Variants in ASB4 observed in about 807,000 individuals in gnomAD.
ASB4 encodes the protein ankyrin repeat and SOCS box protein 4.
A neutral mutation model predicts 38.6 loss-of-function variants in ASB4; 35 were observed. The ratio of observed to expected loss-of-function variants is 0.91; its 90% CI spans 0.69 to 1.20. The LOEUF (loss-of-function observed/expected upper bound fraction) is 1.20, where lower values mean the gene tolerates loss of function less well. Among genes scored for constraint, ASB4 ranks in the 50% most tolerant of loss-of-function variants. ASB4 has a pLI of 0.00. For synonymous variants in ASB4, 195 were observed against 201.3 expected (o/e 0.97, Z 0.26); for missense variants, 557 against 527.2 (o/e 1.06, Z -0.55).
chr7:95,522,810 A>G (rs1790682133), intron 2 of ASB4, among the ~76,000 whole-genome samples: 2 of 152,218 alleles, frequency 1.3e-5, no homozygotes, highest in African/African-American at 4.8e-5. Flanking sequence ...ATGAAATCTG[A>G]AAATTCCCTC....
chr7:95,504,294 A>G (rs993977933), intron 2 of ASB4, among the ~76,000 whole-genome samples: 2 of 152,216 alleles, frequency 1.3e-5, no homozygotes, highest in African/African-American at 2.4e-5. Flanking sequence ...TGTAAAGGGG[A>G]CCATGCCTTT....
intron 2 of ASB4, among the ~76,000 whole-genome samples, chr7:95,517,066 T>C (rs552176185): frequency 6.6e-6 from 1 of 152,360 alleles, no homozygotes; most frequent in South Asian, 2.1e-4. Flanking sequence ...GTGTTAATGA[T>C]CATTTGCATG....
upstream of ASB4, among the ~76,000 whole-genome samples, chr7:95,484,126 G>C (rs921210542): frequency 1.5e-4 from 23 of 151,808 alleles, no homozygotes; most frequent in African/African-American, 5.3e-4. Flanking sequence ...TTAGGAGTCG[G>C]AGATCAGCCG....
intron 2 of ASB4, among the ~76,000 whole-genome samples, chr7:95,512,465 G>A (rs527750979): frequency 9.2e-5 from 14 of 152,284 alleles, no homozygotes; most frequent in African/African-American, 3.1e-4. Context: ...ACTGTATTAA[G>A]CAATGATGCT....
chr7:95,471,601 A>C, the ASB4 span, among the ~76,000 whole-genome samples: 2 of 152,170 alleles, frequency 1.3e-5, no homozygotes, highest in African/African-American at 4.8e-5. Flanking sequence ...ATCTAAACTC[A>C]TTTGGAAATA....
At chr7:95,550,907 G>C in the ASB4 span, among the ~76,000 whole-genome samples, 4 of 152,046 alleles carry the variant, frequency 2.6e-5, no homozygotes, top group Non-Finnish European at 5.9e-5. Context: ...TAAATCCTTG[G>C]TGTCTTCAAC....
rs113270292 is a variant in ASB4, at chr7:95,508,250, T to C, written c.487+12193T>C. Among the ~76,000 whole-genome samples the C allele has an allele frequency of 4.4e-3, 666 of 152,220 alleles. 7 individuals carry two copies. Among genetic ancestry groups the C allele is most frequent in the African/African-American group, 0.015 (633 of 41,526 alleles). Reference sequence around the variant, plus strand: ...TTGACTTTGGAGAGGAGAACCTCTGTTCTATCGTAGCCAGAGGCAGAGAAG... The same window carrying C: ...TTGACTTTGGAGAGGAGAACCTCTGCTCTATCGTAGCCAGAGGCAGAGAAG... On this transcript the variant is annotated intron_variant, in intron 2 of 4. Transcript: ENST00000325885.
At chr7:95,479,864 G>T (rs553341210) in intron 1 of ASB4, among the ~76,000 whole-genome samples, 2 of 152,164 alleles carry the variant, frequency 1.3e-5, no homozygotes, top group Non-Finnish European at 2.9e-5. Flanking sequence ...TCTGAAAAGA[G>T]GTGCAGGCAT....
chr7:95,488,732 T>C (rs955139982), intron 1 of ASB4, among the ~76,000 whole-genome samples: 7 of 152,218 alleles, frequency 4.6e-5, no homozygotes, highest in African/African-American at 1.7e-4. Context: ...TGAAAAGCTC[T>C]CCGCAAAAGT....
chr7:95,483,318 C>T, upstream of ASB4, among the ~76,000 whole-genome samples: 1 of 152,186 alleles, frequency 6.6e-6, no homozygotes, highest in Non-Finnish European at 1.5e-5. Flanking sequence ...AAAGTCTCTT[C>T]TAGTTAATAC....
chr7:95,480,595 A>G (rs999213576), intron 1 of ASB4, among the ~76,000 whole-genome samples: 3 of 152,192 alleles, frequency 2.0e-5, no homozygotes, highest in Non-Finnish European at 2.9e-5. Context: ...CAAGCAGCCA[A>G]TGGAGAGAAC....
At chr7:95,496,282 TA>T (rs1167979992) in intron 2 of ASB4, 1 of 460,502 alleles carries the variant, frequency 2.2e-6, no homozygotes, top group Non-Finnish European at 3.8e-6. Context: ...TTTACTCATT[TA>T]CTTAACAAAT....
intron 2 of ASB4, among the ~76,000 whole-genome samples, chr7:95,506,762 T>C (rs1790415067): frequency 6.6e-6 from 1 of 151,792 alleles, no homozygotes; most frequent in Non-Finnish European, 1.5e-5. Context: ...ATCTTCATCC[T>C]TTGTACTGAG....
the ASB4 span, among the ~76,000 whole-genome samples, chr7:95,549,665 T>G: frequency 6.6e-6 from 1 of 152,244 alleles, no homozygotes; most frequent in South Asian, 2.1e-4. Flanking sequence ...AATCTTACAG[T>G]CTGTTTTTAA....
chr7:95,509,789 T>C (rs988713041), intron 2 of ASB4, among the ~76,000 whole-genome samples: 2 of 152,192 alleles, frequency 1.3e-5, no homozygotes, highest in East Asian at 1.9e-4. Flanking sequence ...AAATGTTTCA[T>C]TTAATCCTTG....
chr7:95,505,031 G>C (rs1030998902), intron 2 of ASB4, among the ~76,000 whole-genome samples: 1 of 152,186 alleles, frequency 6.6e-6, no homozygotes, highest in African/African-American at 2.4e-5. Context: ...AATTGTAGAA[G>C]CATCTCTTTA....
chr7:95,523,312 G>A (rs148812162), intron 2 of ASB4, among the ~76,000 whole-genome samples: 3 of 152,216 alleles, frequency 2.0e-5, no homozygotes, highest in Admixed American at 6.5e-5. Flanking sequence ...TGGTTACAAC[G>A]TTTATAGCAA....
upstream of ASB4, among the ~76,000 whole-genome samples, chr7:95,481,919 G>A (rs1040981837): frequency 6.6e-6 from 1 of 152,202 alleles, no homozygotes; most frequent in Non-Finnish European, 1.5e-5. Context: ...TGAGGAGACA[G>A]GAATTTCTGA....
intron 2 of ASB4, among the ~76,000 whole-genome samples, chr7:95,506,410 T>A (rs1430316656): frequency 1.3e-5 from 2 of 152,134 alleles, no homozygotes; most frequent in Non-Finnish European, 2.9e-5. Context: ...GGACCACAAG[T>A]CTTCCTAAAT....
Sources: gnomAD v4.1 joint callset for allele counts (sites outside exome capture counted in the v4.1 genomes callset) on GRCh38, gnomAD v4.1.1 for gene constraint, MANE v1.5 for transcripts, NCBI Gene and HGNC (gene_info 2026-07-23, HGNC 2026-07-21) for gene names.